LRRC4C: variants seen among roughly 807,000 people sequenced by gnomAD.
The protein encoded by LRRC4C is leucine rich repeat containing 4C, also known as leucine-rich repeat-containing protein 4C.
Under a neutral mutation model 33.6 loss-of-function variants are expected in LRRC4C, and 5 were observed. That is an observed-to-expected ratio of 0.15 (90% CI 0.08 to 0.31). The LOEUF (loss-of-function observed/expected upper bound fraction) is 0.31. Among genes scored for constraint, LRRC4C ranks in the 10% least tolerant of loss-of-function variants. The pLI, the probability that LRRC4C is intolerant of heterozygous loss-of-function variation, is 1.00. For missense variants in LRRC4C, 560 were observed against 796.7 expected, an observed-to-expected ratio of 0.70 and a Z score of 3.58; for synonymous variants, 329 against 302.0, an observed-to-expected ratio of 1.09 and a Z score of -0.93.
chr11:41,311,037 C>A (rs185296289), intron 1 of LRRC4C, among the ~76,000 whole-genome samples: 4 of 152,116 alleles, frequency 2.6e-5, no homozygotes, highest in Admixed American at 2.6e-4. Context: ...GCATTTGATT[C>A]GCATCTATTC....
rs575649422 is a variant in LRRC4C at position 40,815,762 on chromosome 11, C to G, written c.-407+117873G>C. Among the ~76,000 whole-genome samples, 6 of 152,226 alleles carry G rather than the reference C, an allele frequency of 3.9e-5. 1 individual carries two copies. The highest frequency in any genetic ancestry group is 1.4e-4 in the African/African-American group (6 of 41,546). On this transcript the variant is annotated intron_variant, in intron 2 of 6. Transcript: ENST00000528697. ...AGTGCACTGGTTGACCTGCACCTTC[C>G]TCTTTAACTCTAGTCCAACTCGTTG...
chr11:41,023,875 G>T lies in LRRC4C; in HGVS notation c.-495-90152C>A, dbSNP rs575640603. On this transcript the variant is annotated intron_variant, in intron 1 of 6. Transcript: ENST00000528697. ...AAGTTGGAATTTAGAAAAAAGATAC[G>T]AAAATAGCTTCTTCTGCAGTCCCCA... Among the ~76,000 whole-genome samples, 8 of 151,840 alleles carry T rather than the reference G, an allele frequency of 5.3e-5. No individual in the cohort carries two copies. In the East Asian group the frequency reaches 1.4e-3, roughly 26 times the overall value.
At chr11:40,370,996 T>C (rs1948425949) in intron 3 of LRRC4C, among the ~76,000 whole-genome samples, 1 of 152,158 alleles carries the variant, frequency 6.6e-6, no homozygotes, top group Admixed American at 6.5e-5. Flanking sequence ...CCACTGTACA[T>C]TGATTTTTTT....
At chr11:40,504,094 A>C (rs1295863830) in intron 3 of LRRC4C, among the ~76,000 whole-genome samples, 1 of 152,008 alleles carries the variant, frequency 6.6e-6, no homozygotes, top group African/African-American at 2.4e-5. Context: ...AGCACTTATT[A>C]TTTTCACCCA....
intron 1 of LRRC4C, among the ~76,000 whole-genome samples, chr11:41,064,350 C>G (rs1938042373): frequency 6.6e-6 from 1 of 152,128 alleles, no homozygotes; most frequent in Non-Finnish European, 1.5e-5. Context: ...ATCATCAGTT[C>G]TGGTACAACA....
intron 1 of LRRC4C, among the ~76,000 whole-genome samples, chr11:41,224,203 G>A (rs1054050351): frequency 6.6e-6 from 1 of 152,122 alleles, no homozygotes; most frequent in Non-Finnish European, 1.5e-5. Context: ...CACGTTTAGA[G>A]GGAATCATCT....
intron 3 of LRRC4C, among the ~76,000 whole-genome samples, chr11:40,571,090 T>C (rs967539792): frequency 7.2e-5 from 11 of 152,108 alleles, no homozygotes; most frequent in African/African-American, 2.4e-4. Flanking sequence ...TAAAGAGTTT[T>C]ATGAATATAT....
intron 1 of LRRC4C, among the ~76,000 whole-genome samples, chr11:41,084,121 C>T (rs968224143): frequency 6.6e-6 from 1 of 152,124 alleles, no homozygotes; most frequent in Non-Finnish European, 1.5e-5. Flanking sequence ...AAGAACATTG[C>T]CAGTGTATCT....
At chr11:41,072,472 A>G (rs865971941) in intron 1 of LRRC4C, among the ~76,000 whole-genome samples, 3 of 152,078 alleles carry the variant, frequency 2.0e-5, no homozygotes, top group Middle Eastern at 3.4e-3. Flanking sequence ...CAGAGTTCTT[A>G]TGAGATATGG....
chr11:40,400,345 C>T (rs1949712009), intron 3 of LRRC4C, among the ~76,000 whole-genome samples: 1 of 152,136 alleles, frequency 6.6e-6, no homozygotes, highest in Non-Finnish European at 1.5e-5. Flanking sequence ...TCATGACGAT[C>T]TCCAAAGAGT....
intron 1 of LRRC4C, among the ~76,000 whole-genome samples, chr11:41,015,854 A>T (rs116282522): frequency 0.046 from 7,038 of 152,118 alleles, 236 homozygotes; most frequent in African/African-American, 0.1. Context: ...AAAAAAATTT[A>T]TCCGGGCGTG....
chr11:41,345,438 C>A (rs975693688), intron 1 of LRRC4C, among the ~76,000 whole-genome samples: 5 of 152,138 alleles, frequency 3.3e-5, no homozygotes, highest in Non-Finnish European at 5.9e-5. Flanking sequence ...CAAAGGTTAA[C>A]AAAATAGAAA....
intron 2 of LRRC4C, among the ~76,000 whole-genome samples, chr11:40,849,374 G>T (rs1441618762): frequency 6.6e-6 from 1 of 152,146 alleles, no homozygotes; most frequent in Non-Finnish European, 1.5e-5. Context: ...TTTCTGTAAA[G>T]GATTTTATTT....
chr11:41,143,741 G>A (rs1210780253), intron 1 of LRRC4C, among the ~76,000 whole-genome samples: 1 of 152,086 alleles, frequency 6.6e-6, no homozygotes, highest in Non-Finnish European at 1.5e-5. Context: ...TATTTTGGGG[G>A]CATGGGGCCA....
chr11:40,588,515 C>T (rs1413269374), intron 3 of LRRC4C, among the ~76,000 whole-genome samples: 2 of 151,534 alleles, frequency 1.3e-5, no homozygotes, highest in Non-Finnish European at 2.9e-5. Flanking sequence ...TTGCCTTCTG[C>T]TAGCTTTTGA....
chr11:40,526,546 G>T lies in LRRC4C; in HGVS notation c.-270+121596C>A, dbSNP rs945677518. 4.6e-5 allele frequency among the ~76,000 whole-genome samples: 7 copies of T among 152,104 alleles called. No individual in the cohort carries two copies. The South Asian group carries it at 1.4e-3, about 31-fold the overall frequency. On this transcript the variant is annotated intron_variant, in intron 3 of 6. Coordinates refer to ENST00000528697, the MANE Select transcript of LRRC4C (RefSeq NM_001258419.2). ...AATGTGTTATTACTGCAGAGCCACTGTTAAAAAGAACAGAAAATACCAAAT... is the reference window on the plus strand; with the variant it reads ...AATGTGTTATTACTGCAGAGCCACTTTTAAAAAGAACAGAAAATACCAAAT...
intron 1 of LRRC4C, among the ~76,000 whole-genome samples, chr11:40,955,329 C>CTGTA (rs931386877): frequency 7.3e-5 from 11 of 151,688 alleles, no homozygotes; most frequent in African/African-American, 2.7e-4. Flanking sequence ...TTTAATGTCT[C>CTGTA]TGTATTCTAT....
chr11:40,137,692 T>C (rs1348845135), intron 6 of LRRC4C, among the ~76,000 whole-genome samples: 1 of 152,204 alleles, frequency 6.6e-6, no homozygotes, highest in African/African-American at 2.4e-5. Flanking sequence ...CCTGGGGAAT[T>C]AGGTAAAACC....
chr11:41,299,395 A>G (rs765445711), intron 1 of LRRC4C, among the ~76,000 whole-genome samples: 19 of 152,126 alleles, frequency 1.2e-4, no homozygotes, highest in Non-Finnish European at 2.4e-4. Flanking sequence ...ACTCACTTCA[A>G]CAATCACAGT....
Sources: allele counts gnomAD v4.1 joint callset (sites outside exome capture counted in the v4.1 genomes callset), GRCh38; gene constraint gnomAD v4.1.1; transcripts MANE v1.5; gene names NCBI Gene and HGNC (gene_info 2026-07-23, HGNC 2026-07-21).